The following ADAM7 variants were observed in gnomAD, a reference collection of about 807,000 sequenced individuals.
ADAM7 encodes ADAM metallopeptidase domain 7, also known as disintegrin and metalloproteinase domain-containing protein 7.
ADAM7 carries 97 observed loss-of-function variants against 102.9 expected under a neutral mutation model. That is an observed-to-expected ratio of 0.94 (90% CI 0.80 to 1.12). The LOEUF (loss-of-function observed/expected upper bound fraction) is 1.12, where lower values mean the gene tolerates loss of function less well. Among genes scored for constraint, ADAM7 ranks in the 50% most tolerant of loss-of-function variants. ADAM7 has a pLI of 0.00. For synonymous variants in ADAM7, 334 were observed against 304.4 expected (o/e 1.10, Z -1.01); for missense variants, 991 against 908.7 (o/e 1.09, Z -1.16).
intron 20 of ADAM7, 123 bp from the exon 21 acceptor site, chr8:24,507,357 A>G (rs1820986094): frequency 2.9e-6 from 2 of 694,268 alleles, no homozygotes; most frequent in East Asian, 2.7e-5. Flanking sequence ...TCATGGAGCA[A>G]GCAGAGGTGG....
At chr8:24,498,349 T>A (rs1820630104) in intron 16 of ADAM7, among the ~76,000 whole-genome samples, 1 of 151,734 alleles carries the variant, frequency 6.6e-6, no homozygotes, top group African/African-American at 2.4e-5. Flanking sequence ...AAGGAGGAGT[T>A]AATGTTGATT....
Position 24,447,265 on chromosome 8 carries a change from A to G in ADAM7, c.233+3A>G. The G allele has an allele frequency of 1.3e-6, 2 of 1,506,716 alleles. No homozygotes were observed. Among genetic ancestry groups the G allele is most frequent in the Non-Finnish European group, 1.8e-6 (2 of 1,102,396 alleles). The allele number at this position is 1,506,716 out of a possible 1,614,324, so 93.3% of individuals were successfully genotyped here. ...GTCCTTCATCTTCTAAGATCCAGGTAAGTTCTATTGTGATTCCAGTACCTT... is the reference window on the plus strand; with the variant it reads ...GTCCTTCATCTTCTAAGATCCAGGTGAGTTCTATTGTGATTCCAGTACCTT... On this transcript the variant is annotated splice_donor_region_variant and intron_variant, in intron 3 of 21. Coordinates refer to ENST00000175238, the MANE Select transcript of ADAM7 (RefSeq NM_003817.4).
At chr8:24,460,780 T>C (rs1819214271) in intron 3 of ADAM7, among the ~76,000 whole-genome samples, 1 of 151,956 alleles carries the variant, frequency 6.6e-6, no homozygotes, top group Non-Finnish European at 1.5e-5. Flanking sequence ...TATATATATA[T>C]ATATATCCCA....
At chr8:24,446,940 ATATT>A (rs1346696201) in intron 2 of ADAM7, among the ~76,000 whole-genome samples, 24 of 149,888 alleles carry the variant, frequency 1.6e-4, no homozygotes, top group African/African-American at 2.7e-4. Flanking sequence ...AAGAATAACT[ATATT>A]TATATTTTAT....
Position 24,460,767 on chromosome 8 carries a change from G to A in ADAM7, c.234-3115G>A, listed in dbSNP as rs113834123. ...TATGTATGTATGTGTGTGTGTGTGT[G>A]TATATATATATATATATATCCCATG... is the stretch of plus-strand genomic sequence containing the variant. On this transcript the variant is annotated intron_variant, in intron 3 of 21. Transcript: ENST00000175238. Among the ~76,000 whole-genome samples the A allele has an allele frequency of 4.4e-3, 194 of 44,394 alleles. 1 individual carries two copies. The highest frequency in any genetic ancestry group is 0.013 in the Middle Eastern group (1 of 76). 29.1% of individuals were successfully genotyped at this position (44,394 alleles called of 152,430 possible). A position where few individuals can be genotyped will look rare whatever the true frequency, so the allele number is the denominator to read the frequency against.
chr8:24,468,420 G>A (rs1349157254), intron 6 of ADAM7, among the ~76,000 whole-genome samples: 1 of 151,968 alleles, frequency 6.6e-6, no homozygotes, highest in Non-Finnish European at 1.5e-5. Context: ...AGGTGATGGG[G>A]TTGATAGGTG....
At chr8:24,475,935 A>G in intron 7 of ADAM7, 1 of 456,508 alleles carries the variant, frequency 2.2e-6, no homozygotes, top group Non-Finnish European at 4.4e-6. Flanking sequence ...CCTGGAGGGA[A>G]GGGGTAGCTA....
chr8:24,454,024 G>A (rs982706106), intron 3 of ADAM7, among the ~76,000 whole-genome samples: 1 of 152,190 alleles, frequency 6.6e-6, no homozygotes. Flanking sequence ...TTGTCTCAGA[G>A]GAGTACCCGG....
chr8:24,463,103 T>C (rs557999694), intron 3 of ADAM7, among the ~76,000 whole-genome samples: 4 of 152,304 alleles, frequency 2.6e-5, no homozygotes, highest in African/African-American at 9.6e-5. Context: ...TACATTTTTA[T>C]TATGTAGCAA....
At chr8:24,477,560 AC>A (rs71212542) in intron 8 of ADAM7, among the ~76,000 whole-genome samples, 40,318 of 98,590 alleles carry the variant, frequency 0.41, 6,233 homozygotes, top group Middle Eastern at 0.5. Context: ...CCTTGGGCAT[AC>A]CCTCATCAGT....
At chr8:24,480,218 T>C (rs1819902820) in intron 8 of ADAM7, among the ~76,000 whole-genome samples, 1 of 152,202 alleles carries the variant, frequency 6.6e-6, no homozygotes, top group Middle Eastern at 3.2e-3. Context: ...CAAGTAAGCA[T>C]ACATACAAAA....
intron 7 of ADAM7, chr8:24,475,811 A>G (rs1563384892): frequency 7.7e-6 from 3 of 391,536 alleles, no homozygotes; most frequent in Admixed American, 5.9e-5. Context: ...TCAGGTCTAA[A>G]TTGATAATTG....
At chr8:24,454,597 T>C (rs542060717) in intron 3 of ADAM7, among the ~76,000 whole-genome samples, 1 of 152,294 alleles carries the variant, frequency 6.6e-6, no homozygotes, top group South Asian at 2.1e-4. Flanking sequence ...CCTGATCCCT[T>C]GCGCTTCCCG....
At position 24,501,559 on chromosome 8, in the gene ADAM7, G is replaced by C; in HGVS notation, c.2191G>C (p.Glu731Gln). The change falls in exon 20 of 22, where the codon GAA (glutamate) becomes CAA (glutamine). Residue 731 changes from glutamate to glutamine, a missense_variant. Physicochemically the swap from Glu to Gln is conservative, Grantham distance 29. Transcript: ENST00000175238. Reference protein sequence around the residue: ...QQIRTEPILPEIHFLNKPASK... With the variant: ...QQIRTEPILPQIHFLNKPASK... ...GATAAGGACTGAGCCAATCCTGCCA[G>C]AAATTCATTTCCTAAATGTAAGAAA... 4 of 1,591,570 alleles carry C rather than the reference G, an allele frequency of 2.5e-6. No individual in the cohort carries two copies. The highest frequency in any genetic ancestry group is 3.4e-6 in the Non-Finnish European group (4 of 1,173,592).
At chr8:24,441,830 G>T (rs1026503035) in intron 1 of ADAM7, among the ~76,000 whole-genome samples, 11 of 152,190 alleles carry the variant, frequency 7.2e-5, no homozygotes, top group African/African-American at 2.7e-4. Flanking sequence ...GGACAACAGT[G>T]CAGGCTTTGA....
chr8:24,493,974 T>G (rs150172639), intron 16 of ADAM7, among the ~76,000 whole-genome samples: 1 of 152,192 alleles, frequency 6.6e-6, no homozygotes, highest in Non-Finnish European at 1.5e-5. Context: ...GAGTTTTTTA[T>G]GGCAAGATGA....
chr8:24,506,625 C>G (rs1365833677), intron 20 of ADAM7, among the ~76,000 whole-genome samples: 2 of 152,056 alleles, frequency 1.3e-5, no homozygotes, highest in Non-Finnish European at 2.9e-5. Flanking sequence ...AGTCCTTGAT[C>G]AGCCAGAGGG....
intron 3 of ADAM7, among the ~76,000 whole-genome samples, chr8:24,453,603 C>T (rs1818885674): frequency 1.3e-5 from 2 of 152,168 alleles, no homozygotes; most frequent in South Asian, 4.1e-4. Context: ...TGAATTTCCT[C>T]CTGTAGCTCG....
At chr8:24,507,433 G>A (rs2129399141) in intron 20 of ADAM7, 47 bp from the exon 21 acceptor site, 1 of 1,513,910 alleles carries the variant, frequency 6.6e-7, no homozygotes, top group South Asian at 1.1e-5. Flanking sequence ...GCCCATGCGT[G>A]TAACATCTGA....
Sources: gnomAD v4.1 joint callset for allele counts (sites outside exome capture counted in the v4.1 genomes callset) on GRCh38, gnomAD v4.1.1 for gene constraint, MANE v1.5 for transcripts, NCBI Gene and HGNC (gene_info 2026-07-23, HGNC 2026-07-21) for gene names.